RPS6KA1: variants seen among roughly 807,000 people sequenced by gnomAD.
RPS6KA1 encodes the protein ribosomal protein S6 kinase A1, also known as ribosomal protein S6 kinase alpha-1.
In RPS6KA1, 48 loss-of-function variants were observed where a neutral mutation model predicts 91.3. The observed-to-expected ratio is 0.53, with a 90% confidence interval of 0.42 to 0.67. The LOEUF is 0.67. Among genes scored for constraint, RPS6KA1 ranks in the 30% least tolerant of loss-of-function variants. The probability of loss-of-function intolerance (pLI) is 0.00; values close to 1 mark genes in which losing one functional copy is unlikely to be tolerated. For synonymous variants in RPS6KA1, 359 were observed against 384.7 expected (o/e 0.93, Z 0.78); for missense variants, 719 against 960.5 (o/e 0.75, Z 3.32).
chr1:26,568,271 C>T (rs1185367143), intron 17 of RPS6KA1, among the ~76,000 whole-genome samples: 1 of 152,160 alleles, frequency 6.6e-6, no homozygotes, highest in African/African-American at 2.4e-5. Flanking sequence ...AGATGTGAGA[C>T]TATACTTTTC....
chr1:26,566,746 G>C (rs1015186306), intron 17 of RPS6KA1, among the ~76,000 whole-genome samples: 1 of 152,126 alleles, frequency 6.6e-6, no homozygotes, highest in African/African-American at 2.4e-5. Flanking sequence ...TACGTGGCAG[G>C]AGTTCATGAT....
chr1:26,561,205 A>G lies in RPS6KA1; in HGVS notation c.1431+71A>G, dbSNP rs1056579544. On this transcript the variant is annotated intron_variant, in intron 16 of 21. Transcript: ENST00000374168. The surrounding 1 kb of genome is among the most constrained non-coding windows in gnomAD (Gnocchi z 5.7). ...TCTCAGGATTTGTCTCAGGATTGCC[A>G]TTCCTTTGACTTCTCATCCTCTTTC... 8.7e-5 allele frequency: 123 copies of G among 1,408,092 alleles called. 1 individual carries two copies. In the African/African-American group the frequency reaches 1.6e-3, roughly 19 times the overall value. 87.2% of individuals were successfully genotyped at this position (1,408,092 alleles called of 1,614,324 possible).
chr1:26,573,967 A>C, intron 21 of RPS6KA1, 112 bp from the exon 22 acceptor site: 1 of 1,285,084 alleles, frequency 7.8e-7, no homozygotes, highest in Non-Finnish European at 1.1e-6. Context: ...AAACAAAACC[A>C]AAAAAAGTGG....
At chr1:26,545,690 T>C (rs890744605) in intron 2 of RPS6KA1, among the ~76,000 whole-genome samples, 2 of 152,146 alleles carry the variant, frequency 1.3e-5, no homozygotes, top group Non-Finnish European at 2.9e-5. Context: ...AGGGCAGCCC[T>C]CAGGCTCTGA....
Position 26,561,889 on chromosome 1 carries a change from A to G in RPS6KA1, c.1590+226A>G, listed in dbSNP as rs765982411. The stretch of plus-strand genomic sequence containing the variant: ...CAGTATCTACTGTGTGCCAGGCACC[A>G]TGGTAAGGTTTAGCATAAGATGAAG... On this transcript the variant is annotated intron_variant, in intron 17 of 21. Coordinates refer to ENST00000374168, the MANE Select transcript of RPS6KA1 (RefSeq NM_002953.4). The surrounding 1 kb of genome is among the most constrained non-coding windows in gnomAD (Gnocchi z 5.7). Among the ~76,000 whole-genome samples, 99 of 152,268 alleles carry G rather than the reference A, an allele frequency of 6.5e-4. No individual in the cohort carries two copies. Among genetic ancestry groups the G allele is most frequent in the Non-Finnish European group, 1.1e-3 (72 of 68,022 alleles).
chr1:26,550,137 C>G (rs955546431), intron 4 of RPS6KA1, among the ~76,000 whole-genome samples: 5 of 151,614 alleles, frequency 3.3e-5, no homozygotes, highest in African/African-American at 1.2e-4. Flanking sequence ...CCTCAGCCTC[C>G]CAAAGTGCTA....
chr1:26,564,322 G>A (rs973569893), intron 17 of RPS6KA1, among the ~76,000 whole-genome samples: 4 of 152,042 alleles, frequency 2.6e-5, no homozygotes, highest in African/African-American at 4.8e-5. Flanking sequence ...GCAGTGGCAC[G>A]ATCTCAGCTC....
Position 26,551,503 on chromosome 1 carries a change from TC to T in RPS6KA1, c.388+28del. 1 of 1,611,908 alleles carries T rather than the reference TC, an allele frequency of 6.2e-7. No homozygotes were observed. The highest frequency in any genetic ancestry group is 1.1e-5 in the South Asian group (1 of 91,050). Reference sequence around the variant, plus strand: ...GTAAAGCTTCTGGCCCTGCCTGAGCTCCTACCCCACCCATCCTTCGCCCTTG... The same window carrying T: ...GTAAAGCTTCTGGCCCTGCCTGAGCTCTACCCCACCCATCCTTCGCCCTTG... On this transcript the variant is annotated intron_variant, in intron 5 of 21. Transcript: ENST00000374168. The surrounding 1 kb of genome is among the most constrained non-coding windows in gnomAD (Gnocchi z 4.5).
chr1:26,543,177 G>A, intron 2 of RPS6KA1: 1 of 1,535,724 alleles, frequency 6.5e-7, no homozygotes, highest in Non-Finnish European at 8.7e-7. Flanking sequence ...GACCCCAGCA[G>A]ATTTCCCCAG....
chr1:26,545,413 T>C (rs1167040314), intron 2 of RPS6KA1, among the ~76,000 whole-genome samples: 2 of 151,484 alleles, frequency 1.3e-5, no homozygotes, highest in Admixed American at 1.3e-4. Flanking sequence ...CCTGACCTCA[T>C]GATCCGCCCG....
chr1:26,546,005 T>G, intron 2 of RPS6KA1: 1 of 1,611,806 alleles, frequency 6.2e-7, no homozygotes, highest in Non-Finnish European at 8.5e-7. Flanking sequence ...TGCCTGTCCC[T>G]GGCCCTGGCT....
intron 6 of RPS6KA1, among the ~76,000 whole-genome samples, chr1:26,552,418 G>GAAAAAAAAAAAAAAA (rs2076060253): frequency 7.0e-6 from 1 of 143,008 alleles, no homozygotes. Context: ...AAGGATTTGA[G>GAAAAAAAAAAAAAAA]CTAGAAAATG....
At chr1:26,545,842 A>G (rs1469214973) in intron 2 of RPS6KA1, 1 of 1,494,170 alleles carries the variant, frequency 6.7e-7, no homozygotes, top group East Asian at 2.6e-5. Context: ...CCCGGCCACC[A>G]CTGCGGCAGC....
chr1:26,532,336 A>G (rs542229706), intron 1 of RPS6KA1, among the ~76,000 whole-genome samples: 1 of 152,278 alleles, frequency 6.6e-6, no homozygotes, highest in South Asian at 2.1e-4. Flanking sequence ...ACAGCTTCTC[A>G]AGATAGGGAT....
In RPS6KA1 at chr1:26,555,011, C is replaced by A; in HGVS notation, c.757-140C>A. ...GTCTGGTTGGCAGAGGCAAGAGGGA[C>A]GGGCATAATTCTTGCTCCAGGCTGA... On this transcript the variant is annotated intron_variant, in intron 9 of 21. Transcript: ENST00000374168. The surrounding 1 kb of genome is among the most constrained non-coding windows in gnomAD (Gnocchi z 4.3). 1.1e-6 allele frequency: 1 copy of A among 909,378 alleles called. No homozygotes were observed. Among genetic ancestry groups the A allele is most frequent in the Non-Finnish European group, 1.7e-6 (1 of 590,672 alleles). 56.3% of individuals were successfully genotyped at this position (909,378 alleles called of 1,614,324 possible). A position where few individuals can be genotyped will look rare whatever the true frequency, so the allele number is the denominator to read the frequency against.
intron 1 of RPS6KA1, among the ~76,000 whole-genome samples, chr1:26,531,711 T>A (rs1382227479): frequency 6.6e-6 from 1 of 152,198 alleles, no homozygotes; most frequent in Admixed American, 6.5e-5. Flanking sequence ...AGAAACGATG[T>A]GTGATCCTCA....
intron 17 of RPS6KA1, among the ~76,000 whole-genome samples, chr1:26,568,255 G>T (rs559124667): frequency 6.6e-6 from 1 of 152,270 alleles, no homozygotes; most frequent in African/African-American, 2.4e-5. Context: ...GATTTTCCAT[G>T]CGGTGAGATG....
Position 26,571,877 on chromosome 1 carries a change from G to C in RPS6KA1, c.1781G>C (p.Gly594Ala). 1.2e-6 allele frequency: 2 copies of C among 1,611,198 alleles called. No individual in the cohort carries two copies. Among genetic ancestry groups the C allele is most frequent in the South Asian group, 1.1e-5 (1 of 91,084 alleles). Residue 594 changes from glycine (G) to alanine (A), a missense_variant, in exon 19 of 22, where the codon GGC becomes GCC. Physicochemically the swap from Gly to Ala is moderately conservative, Grantham distance 60 (BLOSUM62 0). Around this residue, in one of 5 missense-constraint regions of RPS6KA1, gnomAD observed 249 missense variants for 323.1 expected, o/e 0.77. Coordinates refer to ENST00000374168, the MANE Select transcript of RPS6KA1 (RefSeq NM_002953.4). This position sits in a 1 kb window ranked among gnomAD's most constrained non-coding sequence, Gnocchi z 5.1. ...EVLKRQGYDE[G>A]CDIWSLGILL... ...CTGAAGCGCCAGGGCTACGATGAAGGCTGCGACATCTGGAGCCTGGGCATT... is the reference window on the plus strand; with the variant it reads ...CTGAAGCGCCAGGGCTACGATGAAGCCTGCGACATCTGGAGCCTGGGCATT...
chr1:26,545,963 G>A (rs1332477091), intron 2 of RPS6KA1: 3 of 1,605,886 alleles, frequency 1.9e-6, no homozygotes, highest in Non-Finnish European at 2.5e-6. Context: ...GGCTTCCCAG[G>A]AAGCAGCGGC....
Sources: allele counts gnomAD v4.1 joint callset (sites outside exome capture counted in the v4.1 genomes callset), GRCh38; gene constraint gnomAD v4.1.1; regional missense constraint gnomAD v4.1.1; non-coding constraint Gnocchi (gnomAD v3.1); transcripts MANE v1.5; gene names NCBI Gene and HGNC (gene_info 2026-07-23, HGNC 2026-07-21).